Variants in STK39 observed in about 807,000 individuals in gnomAD.
STK39 encodes STE20/SPS1-related proline-alanine-rich protein kinase.
A neutral mutation model predicts 77.8 loss-of-function variants in STK39; 20 were observed. That is an observed-to-expected ratio of 0.26 (90% confidence interval 0.18 to 0.37). The LOEUF (loss-of-function observed/expected upper bound fraction) is 0.37. STK39 is among the 10% of genes least tolerant of loss of function. The probability of loss-of-function intolerance (pLI) is 1.00; values close to 1 mark genes in which losing one functional copy is unlikely to be tolerated. For missense variants in STK39, 479 were observed against 656.5 expected, an observed-to-expected ratio of 0.73 and a Z score of 2.95; for synonymous variants, 246 against 234.1, an observed-to-expected ratio of 1.05 and a Z score of -0.47.
chr2:168,232,426 T>C (rs1381908759), intron 1 of STK39, among the ~76,000 whole-genome samples: 1 of 152,212 alleles, frequency 6.6e-6, no homozygotes, highest in Non-Finnish European at 1.5e-5. Context: ...AATATTTAAT[T>C]TTAAACAACT....
intron 1 of STK39, among the ~76,000 whole-genome samples, chr2:168,227,318 T>TA (rs931201270): frequency 2.6e-5 from 4 of 152,226 alleles, no homozygotes; most frequent in Non-Finnish European, 4.4e-5. Flanking sequence ...ATTTGTAACT[T>TA]AAAAAACATT....
At chr2:168,161,121 G>C (rs1450994039) in intron 5 of STK39, among the ~76,000 whole-genome samples, 1 of 152,130 alleles carries the variant, frequency 6.6e-6, no homozygotes, top group Non-Finnish European at 1.5e-5. Flanking sequence ...AACCATGAAA[G>C]CTAAAAGGAT....
chr2:168,020,053 C>T (rs1203379243), intron 14 of STK39, among the ~76,000 whole-genome samples: 3 of 152,100 alleles, frequency 2.0e-5, no homozygotes, highest in African/African-American at 7.2e-5. Flanking sequence ...TTACATAGTG[C>T]TTTCATATAT....
At chr2:168,219,039 A>T (rs1310537686) in intron 1 of STK39, among the ~76,000 whole-genome samples, 1 of 152,134 alleles carries the variant, frequency 6.6e-6, no homozygotes, top group African/African-American at 2.4e-5. Context: ...ATGAATCAAG[A>T]ATTTGGGGTG....
chr2:167,982,315 A>G (rs1452542779), intron 16 of STK39, among the ~76,000 whole-genome samples: 1 of 152,208 alleles, frequency 6.6e-6, no homozygotes, highest in Non-Finnish European at 1.5e-5. Context: ...TTTTTTCTCC[A>G]GAAAGGCATG....
At position 168,190,984 on chromosome 2, in the gene STK39, A is replaced by G. The variant is rs987675519; in HGVS notation, c.209-8894T>C. On this transcript the variant is annotated intron_variant, in intron 1 of 17. Coordinates refer to ENST00000355999, the MANE Select transcript of STK39 (RefSeq NM_013233.3). Reference sequence around the variant, plus strand: ...CAGATAAACGGATACACCCACTGGCAAGGCCAAAAGGTACAAGTGTCCTGG... The same window carrying G: ...CAGATAAACGGATACACCCACTGGCGAGGCCAAAAGGTACAAGTGTCCTGG... Among the ~76,000 whole-genome samples the G allele has an allele frequency of 1.1e-4, 17 of 152,350 alleles. No individual in the cohort carries two copies. In the South Asian group the frequency reaches 1.2e-3, roughly 11 times the overall value.
intron 3 of STK39, among the ~76,000 whole-genome samples, chr2:168,164,669 A>G (rs1688655134): frequency 1.3e-5 from 2 of 152,300 alleles, no homozygotes; most frequent in Middle Eastern, 3.4e-3. Flanking sequence ...TGGCCTCCCA[A>G]AGTGCTGGGC....
At chr2:168,011,003 A>G (rs1684255884) in intron 16 of STK39, among the ~76,000 whole-genome samples, 1 of 152,196 alleles carries the variant, frequency 6.6e-6, no homozygotes, top group South Asian at 2.1e-4. Flanking sequence ...AAATTAAAAC[A>G]TATCATTTAA....
intron 14 of STK39, among the ~76,000 whole-genome samples, chr2:168,039,599 CA>C (rs1173242043): frequency 7.5e-4 from 6 of 7,964 alleles, no homozygotes; most frequent in East Asian, 2.6e-3. Context: ...ACTCCGTCTC[CA>C]AAAAAAAAAA....
intron 1 of STK39, among the ~76,000 whole-genome samples, chr2:168,212,092 AC>A (rs928498967): frequency 6.6e-6 from 1 of 152,206 alleles, no homozygotes; most frequent in African/African-American, 2.4e-5. Context: ...GTCATCCAGA[AC>A]CTTTGTTTCT....
At chr2:167,963,896 C>T (rs1036945930) in intron 17 of STK39, among the ~76,000 whole-genome samples, 2 of 152,180 alleles carry the variant, frequency 1.3e-5, no homozygotes, top group African/African-American at 4.8e-5. Flanking sequence ...TCTAAAATTG[C>T]TTCTGGGATT....
chr2:168,234,194 T>C (rs1473278928), intron 1 of STK39, among the ~76,000 whole-genome samples: 5 of 152,222 alleles, frequency 3.3e-5, no homozygotes, highest in Non-Finnish European at 7.3e-5. Flanking sequence ...TAGCCAGTCT[T>C]TGAACATTTC....
intron 16 of STK39, among the ~76,000 whole-genome samples, chr2:167,993,868 C>G (rs111491989): frequency 1.8e-5 from 1 of 56,180 alleles, no homozygotes; most frequent in Non-Finnish European, 4.1e-5. Context: ...AGAAAAGATT[C>G]TCTTTGTCTT....
In STK39 at chr2:168,065,333, C is replaced by T; in HGVS notation, c.1291G>A (p.Val431Met). The T allele has an allele frequency of 6.2e-7, 1 of 1,613,964 alleles. No individual in the cohort carries two copies. Among genetic ancestry groups the T allele is most frequent in the Non-Finnish European group, 8.5e-7 (1 of 1,179,936 alleles). ...GAGAAACATACCTGAGAGTCGTGCA[C>T]AGAGAGGGACTGTATTTGTTCGGGG... The part of the protein sequence containing the change: ...TIPEQIQSLS[V>M]HDSQGPPNAN... The change falls in exon 13 of 18, where the codon GTG becomes ATG. Residue 431 changes from valine (V) to methionine (M), a missense_variant. Val to Met is a conservative substitution (Grantham distance 21). Coordinates refer to ENST00000355999, the MANE Select transcript of STK39 (RefSeq NM_013233.3).
intron 14 of STK39, among the ~76,000 whole-genome samples, chr2:168,043,890 G>T (rs1685171929): frequency 6.6e-6 from 1 of 151,912 alleles, no homozygotes; most frequent in Admixed American, 6.6e-5. Context: ...TCCCTAGAGT[G>T]AGAATCTCTT....
intron 5 of STK39, among the ~76,000 whole-genome samples, chr2:168,153,860 C>G (rs144409765): frequency 2.0e-5 from 3 of 152,108 alleles, no homozygotes; most frequent in African/African-American, 4.8e-5. Flanking sequence ...TAAGGCCTCA[C>G]GAGCCACCTT....
At chr2:168,094,563 C>G (rs1372836638) in intron 10 of STK39, among the ~76,000 whole-genome samples, 8 of 152,202 alleles carry the variant, frequency 5.3e-5, no homozygotes, top group Admixed American at 5.2e-4. Flanking sequence ...ATCCAATGTC[C>G]TTTTGTGAGT....
intron 1 of STK39, among the ~76,000 whole-genome samples, chr2:168,221,605 C>G (rs1168268828): frequency 6.6e-6 from 1 of 152,138 alleles, no homozygotes; most frequent in Non-Finnish European, 1.5e-5. Context: ...ATATAACATG[C>G]TACTGATGAA....
At chr2:167,996,966 T>A (rs1254794200) in intron 16 of STK39, among the ~76,000 whole-genome samples, 1 of 151,168 alleles carries the variant, frequency 6.6e-6, no homozygotes, top group Non-Finnish European at 1.5e-5. Context: ...TTGCAGTTAC[T>A]GGAAGCACGC....
Sources: gnomAD v4.1 joint callset for allele counts (sites outside exome capture counted in the v4.1 genomes callset) on GRCh38, gnomAD v4.1.1 for gene constraint, MANE v1.5 for transcripts, NCBI Gene and HGNC (gene_info 2026-07-23, HGNC 2026-07-21) for gene names.